PRDM9: variants seen among roughly 807,000 people sequenced by gnomAD.
PRDM9 encodes PR/SET domain 9, also known as histone-lysine N-methyltransferase PRDM9.
Under a neutral mutation model 55.6 loss-of-function variants are expected in PRDM9, and 47 were observed. That is an observed-to-expected ratio of 0.85 (90% CI 0.67 to 1.08). The LOEUF (loss-of-function observed/expected upper bound fraction) is 1.08, where lower values mean the gene tolerates loss of function less well. Among genes scored for constraint, PRDM9 ranks in the 50% least tolerant of loss-of-function variants. The pLI is 0.00. For missense variants in PRDM9, 867 were observed against 1,040.3 expected (o/e 0.83, Z 2.29); for synonymous variants, 312 against 375.7 (o/e 0.83, Z 1.96).
At position 23,526,840 on chromosome 5, in the gene PRDM9, G is replaced by A. The variant is rs1282491691; in HGVS notation, c.1752G>A (p.Glu584=). Residue 584 remains glutamate (E), a synonymous_variant, in exon 11 of 11, where the codon GAG becomes GAA. Coordinates refer to ENST00000296682, the MANE Select transcript of PRDM9 (RefSeq NM_020227.4). ...HTGEKPYVCR[E]CGRGFSWQSV... ...GGGAGAAGCCCTATGTCTGCAGGGA[G>A]TGTGGGCGGGGCTTTAGCTGGCAGT... is the stretch of plus-strand genomic sequence containing the variant. 3 of 1,607,478 alleles carry A rather than the reference G, an allele frequency of 1.9e-6. No homozygotes were observed. Among genetic ancestry groups the A allele is most frequent in the East Asian group, 2.3e-5 (1 of 44,192 alleles).
At chr5:23,511,013 G>A (rs1451802150) in intron 4 of PRDM9, among the ~76,000 whole-genome samples, 2 of 151,580 alleles carry the variant, frequency 1.3e-5, no homozygotes, top group African/African-American at 4.8e-5. Context: ...AAAATTAGCC[G>A]GGTGTGGTGG....
intron 2 of PRDM9, 113 bp from the exon 3 acceptor site, chr5:23,509,357 G>C (rs1739043227): frequency 6.4e-7 from 1 of 1,560,286 alleles, no homozygotes; most frequent in African/African-American, 1.4e-5. Flanking sequence ...AGATCTTTAT[G>C]TTTCACAGAG....
intron 3 of PRDM9, among the ~76,000 whole-genome samples, 153 bp from the exon 4 acceptor site, chr5:23,509,767 T>C (rs1323371673): frequency 2.0e-5 from 3 of 152,164 alleles, no homozygotes; most frequent in East Asian, 3.9e-4. Flanking sequence ...GTGTGGATAT[T>C]GACCATGCAG....
chr5:23,514,851 G>A (rs1172284146), intron 4 of PRDM9, among the ~76,000 whole-genome samples: 2 of 152,006 alleles, frequency 1.3e-5, no homozygotes, highest in African/African-American at 4.8e-5. Flanking sequence ...TATTAAATAT[G>A]CTTCAGCATA....
At chr5:23,523,797 C>T (rs540773217) in intron 9 of PRDM9, among the ~76,000 whole-genome samples, 2 of 152,138 alleles carry the variant, frequency 1.3e-5, no homozygotes, top group Admixed American at 1.3e-4. Context: ...TCAACTATTA[C>T]TGTTCTATGT....
chr5:23,525,861 A>G (rs1739418938), intron 10 of PRDM9, among the ~76,000 whole-genome samples: 2 of 152,186 alleles, frequency 1.3e-5, no homozygotes, highest in Non-Finnish European at 2.9e-5. Flanking sequence ...CCCAGGGACC[A>G]GGGAGGGAGG....
intron 6 of PRDM9, 33 bp downstream of exon 6, chr5:23,521,212 C>T (rs770837527): frequency 1.2e-6 from 2 of 1,608,872 alleles, no homozygotes; most frequent in East Asian, 2.2e-5. Flanking sequence ...ACTTTAGTCC[C>T]TCTATGTCCT....
chr5:23,522,469 T>G, intron 7 of PRDM9, 64 bp downstream of exon 7: 2 of 1,585,458 alleles, frequency 1.3e-6, no homozygotes, highest in African/African-American at 2.7e-5. Flanking sequence ...AATTTCATCA[T>G]TTGGCCCACA....
rs1739019310 is a variant in PRDM9 at position 23,508,018 on chromosome 5, C to T, written c.-85+306C>T. On this transcript the variant is annotated intron_variant, in intron 1 of 10. Transcript: ENST00000296682. ...GCCTGAGGAACCCTAAATATCTCAC[C>T]CACAGACAGACCAAATTTCCCCAAC... Among the ~76,000 whole-genome samples the T allele has an allele frequency of 1.3e-5, 2 of 151,450 alleles. 1 individual carries two copies. Among genetic ancestry groups the T allele is most frequent in the South Asian group, 4.2e-4 (2 of 4,782 alleles).
chr5:23,525,908 C>G (rs1246915267), intron 10 of PRDM9, among the ~76,000 whole-genome samples: 2 of 152,150 alleles, frequency 1.3e-5, no homozygotes. Flanking sequence ...CTTTATAGGA[C>G]TTGGAAAATA....
chr5:23,522,519 G>A lies in PRDM9; in HGVS notation c.611-95G>A, dbSNP rs559302245. The A allele has an allele frequency of 1.3e-4, 201 of 1,593,394 alleles. 2 individuals are homozygous for A. The South Asian group carries it at 2.1e-3, about 17-fold the overall frequency. On this transcript the variant is annotated intron_variant, in intron 7 of 10. Coordinates refer to ENST00000296682, the MANE Select transcript of PRDM9 (RefSeq NM_020227.4). ...TCTAATGAATTAGAGTACAGGATTA[G>A]GGCTAAATAATGTGAATGCCAAGCT...
At chr5:23,508,846 C>T in intron 1 of PRDM9, 104 bp from the exon 2 acceptor site, 2 of 666,086 alleles carry the variant, frequency 3.0e-6, no homozygotes, top group Non-Finnish European at 5.1e-6. Flanking sequence ...ACCAGGAATC[C>T]ACATCTTCCT....
At chr5:23,513,260 G>A (rs1243823167) in intron 4 of PRDM9, among the ~76,000 whole-genome samples, 1 of 152,184 alleles carries the variant, frequency 6.6e-6, no homozygotes, top group East Asian at 1.9e-4. Flanking sequence ...TGGTTTGAAT[G>A]TGTGGAAGTT....
chr5:23,516,351 T>C (rs772089292), intron 4 of PRDM9, among the ~76,000 whole-genome samples: 8 of 152,136 alleles, frequency 5.3e-5, no homozygotes, highest in Admixed American at 1.3e-4. Context: ...TTTGGGGTGT[T>C]GATTTTGTAT....
chr5:23,521,517 T>C (rs1394084451), intron 6 of PRDM9, among the ~76,000 whole-genome samples: 7 of 152,196 alleles, frequency 4.6e-5, no homozygotes, highest in African/African-American at 2.4e-5. Flanking sequence ...TTTGTATTTT[T>C]AGTAGAGACA....
intron 5 of PRDM9, among the ~76,000 whole-genome samples, chr5:23,519,090 G>C (rs1739276162): frequency 6.6e-6 from 1 of 152,078 alleles, no homozygotes; most frequent in Non-Finnish European, 1.5e-5. Context: ...GACAGAGTCT[G>C]GCTCTTTCGC....
At chr5:23,508,829 A>G in intron 1 of PRDM9, 121 bp from the exon 2 acceptor site, 1 of 615,716 alleles carries the variant, frequency 1.6e-6, no homozygotes, top group South Asian at 1.9e-5. Flanking sequence ...GGGGTGCTCG[A>G]GACCTCACCA....
intron 10 of PRDM9, among the ~76,000 whole-genome samples, chr5:23,525,475 G>C (rs540969252): frequency 2.0e-5 from 3 of 152,294 alleles, no homozygotes; most frequent in Admixed American, 2.0e-4. Context: ...CAGCCTGAGA[G>C]AGAACATATT....
At chr5:23,518,455 CT>C (rs950520894) in intron 5 of PRDM9, among the ~76,000 whole-genome samples, 11 of 152,260 alleles carry the variant, frequency 7.2e-5, no homozygotes, top group African/African-American at 1.7e-4. Flanking sequence ...CAGTTTTTCT[CT>C]GTTATGGTAA....
Sources: allele counts gnomAD v4.1 joint callset (sites outside exome capture counted in the v4.1 genomes callset), GRCh38; gene constraint gnomAD v4.1.1; transcripts MANE v1.5; gene names NCBI Gene and HGNC (gene_info 2026-07-23, HGNC 2026-07-21).